Variants in VSIG10L2 observed in about 807,000 individuals in gnomAD.
The protein encoded by VSIG10L2 is V-set and immunoglobulin domain containing 10 like 2.
Under a neutral mutation model 67.1 loss-of-function variants are expected in VSIG10L2, and 56 were observed. The observed-to-expected ratio is 0.83, with a 90% confidence interval of 0.67 to 1.04. The LOEUF (loss-of-function observed/expected upper bound fraction) is 1.04. VSIG10L2 is among the 50% of genes least tolerant of loss of function. The probability of loss-of-function intolerance (pLI) is 0.00; values close to 1 mark genes in which losing one functional copy is unlikely to be tolerated. For missense variants in VSIG10L2, 843 were observed against 932.8 expected (o/e 0.90, Z 1.25); for synonymous variants, 360 against 396.6 (o/e 0.91, Z 1.10).
rs1565479435 is a variant in VSIG10L2, at chr11:125,956,060, A to G, written c.*146A>G. 1.4e-6 allele frequency: 1 copy of G among 690,236 alleles called. No individual in the cohort carries two copies. The highest frequency in any genetic ancestry group is 2.6e-6 in the Non-Finnish European group (1 of 378,796). 42.8% of individuals were successfully genotyped at this position (690,236 alleles called of 1,614,324 possible). ...AATACCCAGTCTTCACAACTGGTAC[A>G]AGGCCCAGCTGCAGTGTCCCTAAGT... On this transcript the variant is annotated 3_prime_UTR_variant, in exon 12 of 12. Transcript: ENST00000686984.
chr11:125,948,020 C>CA lies in VSIG10L2; in HGVS notation c.418dup (p.Thr140AsnfsTer17). 5.7e-6 allele frequency: 7 copies of CA among 1,232,414 alleles called. No homozygotes were observed. Among genetic ancestry groups the CA allele is most frequent in the Non-Finnish European group, 7.1e-6 (7 of 988,168 alleles). The allele number at this position is 1,232,414 out of a possible 1,614,324, so 76.3% of individuals were successfully genotyped here. A position where few individuals can be genotyped will look rare whatever the true frequency, so the allele number is the denominator to read the frequency against. On this transcript the variant is annotated frameshift_variant, in exon 2 of 12. Coordinates refer to ENST00000686984, the MANE Select transcript of VSIG10L2 (RefSeq NM_001365077.2). LOFTEE classifies it high-confidence loss of function. ...AGCTCCACGCTGCCTACTCCCACCT[C>CA]ACGCTGGCTGTGCTGGGTGAGGGCC... is the stretch of plus-strand genomic sequence containing the variant.
chr11:125,947,910 A>C lies in VSIG10L2; in HGVS notation c.307A>C (p.Arg103=). Residue 103 remains arginine (R), a synonymous_variant, in exon 2 of 12, where the codon AGG becomes CGG. Coordinates refer to ENST00000686984, the MANE Select transcript of VSIG10L2 (RefSeq NM_001365077.2). ...IASALGVVSL[R]NSSLVLGELH... Reference sequence around the variant, plus strand: ...CTCGGCTCTGGGAGTCGTGAGTCTGAGGAACAGCAGCCTGGTGCTGGGGGA... The same window carrying C: ...CTCGGCTCTGGGAGTCGTGAGTCTGCGGAACAGCAGCCTGGTGCTGGGGGA... 8.1e-7 allele frequency: 1 copy of C among 1,232,288 alleles called. No individual in the cohort carries two copies. The highest frequency in any genetic ancestry group is 1.0e-6 in the Non-Finnish European group (1 of 988,076). 76.3% of individuals were successfully genotyped at this position (1,232,288 alleles called of 1,614,324 possible). A position where few individuals can be genotyped will look rare whatever the true frequency, so the allele number is the denominator to read the frequency against.
At chr11:125,953,711 G>A (rs1051871597) in intron 7 of VSIG10L2, 21 bp downstream of exon 7, 46 of 1,232,028 alleles carry the variant, frequency 3.7e-5, no homozygotes, top group East Asian at 6.3e-5. Context: ...GGTTGAATGC[G>A]TGTGTGTGGT....
At position 125,952,010 on chromosome 11, in the gene VSIG10L2, G is replaced by T. The variant is rs1440886083; in HGVS notation, c.1432G>T (p.Glu478Ter). Residue 478 changes from glutamate (E) to a stop codon, truncating the protein, a stop_gained, in exon 6 of 12, where the codon GAG (glutamate) becomes TAG (stop). Transcript: ENST00000686984. LOFTEE classifies it high-confidence loss of function. The part of the protein sequence containing the change: ...LQAQEDLAGR[E>*]FTCRGTHLLR... ...GGCCCAAGAAGATCTGGCTGGCAGA[G>T]AGTTCACCTGCCGGGGCACTCACCT... is the stretch of plus-strand genomic sequence containing the variant. 1 of 1,536,138 alleles carries T rather than the reference G, an allele frequency of 6.5e-7. No homozygotes were observed. Among genetic ancestry groups the T allele is most frequent in the East Asian group, 2.4e-5 (1 of 40,920 alleles).
At chr11:125,952,903 A>G (rs1945396592) in intron 6 of VSIG10L2, among the ~76,000 whole-genome samples, 1 of 152,362 alleles carries the variant, frequency 6.6e-6, no homozygotes, top group East Asian at 1.9e-4. Flanking sequence ...CTCAACCCCA[A>G]ATATTTCCTT....
chr11:125,947,379 T>C, intron 1 of VSIG10L2: 1 of 978,928 alleles, frequency 1.0e-6, no homozygotes, highest in Non-Finnish European at 1.2e-6. Context: ...CTTGATAGTC[T>C]GGGGTGACGT....
chr11:125,950,202 C>T lies in VSIG10L2; in HGVS notation c.898C>T (p.Arg300Cys), dbSNP rs1217159429. 6 of 1,232,278 alleles carry T rather than the reference C, an allele frequency of 4.9e-6. No homozygotes were observed. Among genetic ancestry groups the T allele is most frequent in the South Asian group, 4.1e-5 (1 of 24,324 alleles). The allele number at this position is 1,232,278 out of a possible 1,614,324, so 76.3% of individuals were successfully genotyped here. A position where few individuals can be genotyped will look rare whatever the true frequency, so the allele number is the denominator to read the frequency against. ...GPTYVIARAG[R>C]VHTGLYTCLA... ...TACCTATGTCATCGCCAGAGCTGGC[C>T]GTGTCCACACAGGCCTGTACACCTG... Residue 300 changes from arginine to cysteine, a missense_variant, in exon 4 of 12, where the codon CGT becomes TGT. By Grantham distance (180) the Arg-to-Cys change is radical. Around this residue, in one of 2 missense-constraint regions of VSIG10L2, gnomAD observed 446 missense variants for 548.4 expected, o/e 0.81. Transcript: ENST00000686984.
intron 6 of VSIG10L2, among the ~76,000 whole-genome samples, 185 bp from the exon 7 acceptor site, chr11:125,953,215 G>A (rs1019003756): frequency 1.3e-5 from 2 of 152,176 alleles, no homozygotes; most frequent in Non-Finnish European, 2.9e-5. Flanking sequence ...GAGCCCTGGC[G>A]CACACTGTGA....
At chr11:125,947,227 C>G (rs899220717) in intron 1 of VSIG10L2, among the ~76,000 whole-genome samples, 1 of 152,150 alleles carries the variant, frequency 6.6e-6, no homozygotes, top group Non-Finnish European at 1.5e-5. Context: ...CTCCAGACCC[C>G]GAGCCACCAG....
chr11:125,953,503 C>T lies in VSIG10L2; in HGVS notation c.1599C>T (p.Leu533=). The part of the protein sequence containing the change: ...SLRGGTPPAQ[L]LWLGPQQQKV... ...GCGGGGGCACACCACCTGCCCAGCTCCTCTGGCTGGGGCCTCAACAACAAA... is the reference window on the plus strand; with the variant it reads ...GCGGGGGCACACCACCTGCCCAGCTTCTCTGGCTGGGGCCTCAACAACAAA... The change falls in exon 7 of 12, where the codon CTC becomes CTT. Residue 533 remains leucine (L), a synonymous_variant. Coordinates refer to ENST00000686984, the MANE Select transcript of VSIG10L2 (RefSeq NM_001365077.2). 9 of 1,232,302 alleles carry T rather than the reference C, an allele frequency of 7.3e-6. No homozygotes were observed. The highest frequency in any genetic ancestry group is 9.1e-6 in the Non-Finnish European group (9 of 988,114). 76.3% of individuals were successfully genotyped at this position (1,232,302 alleles called of 1,614,324 possible). A position where few individuals can be genotyped will look rare whatever the true frequency, so the allele number is the denominator to read the frequency against.
chr11:125,950,909 G>A lies in VSIG10L2; in HGVS notation c.986-1G>A. The A allele has an allele frequency of 8.1e-7, 1 of 1,232,578 alleles. No homozygotes were observed. Among genetic ancestry groups the A allele is most frequent in the Middle Eastern group, 3.1e-4 (1 of 3,212 alleles). The allele number at this position is 1,232,578 out of a possible 1,614,324, so 76.4% of individuals were successfully genotyped here. A position where few individuals can be genotyped will look rare whatever the true frequency, so the allele number is the denominator to read the frequency against. On this transcript the variant is annotated splice_acceptor_variant, in intron 4 of 11. Coordinates refer to ENST00000686984, the MANE Select transcript of VSIG10L2 (RefSeq NM_001365077.2). LOFTEE classifies it high-confidence loss of function. ...CCAGCCTCACCCACTTCCCCATCCA[G>A]ATCCCCCTGAGGGACAGCCCTCCTG...
At chr11:125,952,319 T>C (rs1945388955) in intron 6 of VSIG10L2, among the ~76,000 whole-genome samples, 1 of 152,206 alleles carries the variant, frequency 6.6e-6, no homozygotes, top group African/African-American at 2.4e-5. Flanking sequence ...ATATATGTGA[T>C]TTAAAATATT....
Position 125,955,119 on chromosome 11 carries a change from G to C in VSIG10L2, c.2146G>C (p.Ala716Pro). The C allele has an allele frequency of 8.1e-7, 1 of 1,239,740 alleles. No individual in the cohort carries two copies. The highest frequency in any genetic ancestry group is 3.1e-5 in the East Asian group (1 of 31,898). The allele number at this position is 1,239,740 out of a possible 1,614,324, so 76.8% of individuals were successfully genotyped here. A position where few individuals can be genotyped will look rare whatever the true frequency, so the allele number is the denominator to read the frequency against. Residue 716 changes from alanine to proline, a missense_variant, in exon 9 of 12, where the codon GCA becomes CCA. Around this residue, in one of 2 missense-constraint regions of VSIG10L2, gnomAD observed 397 missense variants for 384.4 expected, o/e 1.03. Transcript: ENST00000686984. ...TGCAGCAGGCACGGGAATGGTGGTAGCAACGGTGGCCTCTCTACTGGTGTT... is the reference window on the plus strand; with the variant it reads ...TGCAGCAGGCACGGGAATGGTGGTACCAACGGTGGCCTCTCTACTGGTGTT... ...LGAAGTGMVV[A>P]TVASLLVFQY...
chr11:125,954,791 C>T lies in VSIG10L2; in HGVS notation c.2084-266C>T, dbSNP rs1371546256. On this transcript the variant is annotated intron_variant, in intron 8 of 11. Coordinates refer to ENST00000686984, the MANE Select transcript of VSIG10L2 (RefSeq NM_001365077.2). ...GGCATGCTCCCCTTCAGCCCCAAGC[C>T]GCCAAGATAACCAACCTTTTGTCTT... 5.3e-5 allele frequency among the ~76,000 whole-genome samples: 8 copies of T among 152,188 alleles called. No homozygotes were observed. In the East Asian group the frequency reaches 5.8e-4, roughly 11 times the overall value.
In VSIG10L2 at chr11:125,950,065, A is replaced by G; in HGVS notation, c.761A>G (p.Glu254Gly). Residue 254 changes from glutamate to glycine, a missense_variant, in exon 4 of 12, where the codon GAG becomes GGG. Physicochemically the swap from Glu to Gly is moderately conservative, Grantham distance 98. Around this residue, in one of 2 missense-constraint regions of VSIG10L2, gnomAD observed 446 missense variants for 548.4 expected, o/e 0.81. Transcript: ENST00000686984. ...ATGGAGCCGCTGGGACTCACTGAGG[A>G]GGGCTTCTGGGCCAGTGAGAGGGAA... ...ITMEPLGLTE[E>G]GFWASEREEV... 8.1e-7 allele frequency: 1 copy of G among 1,232,306 alleles called. No homozygotes were observed. The allele number at this position is 1,232,306 out of a possible 1,614,324, so 76.3% of individuals were successfully genotyped here.
chr11:125,948,456 G>T lies in VSIG10L2; in HGVS notation c.585G>T (p.Val195=), dbSNP rs915949720. Residue 195 remains valine, a synonymous_variant, in exon 3 of 12, where the codon GTG becomes GTT. Transcript: ENST00000686984. The part of the protein sequence containing the change: ...RAPRGLGEAL[V]GVTEPLFQLD... ...CCCGAGGCCTTGGAGAGGCCCTGGT[G>T]GGGGTCACTGAGCCACTATTCCAGC... 4 of 1,232,294 alleles carry T rather than the reference G, an allele frequency of 3.2e-6. No individual in the cohort carries two copies. The highest frequency in any genetic ancestry group is 4.0e-6 in the Non-Finnish European group (4 of 988,174). 76.3% of individuals were successfully genotyped at this position (1,232,294 alleles called of 1,614,324 possible). A position where few individuals can be genotyped will look rare whatever the true frequency, so the allele number is the denominator to read the frequency against.
At chr11:125,950,760 C>T in intron 4 of VSIG10L2, 150 bp from the exon 5 acceptor site, 1 of 731,210 alleles carries the variant, frequency 1.4e-6, no homozygotes, top group Non-Finnish European at 1.9e-6. Context: ...TCACCAGCCC[C>T]TCAGAGAGAC....
chr11:125,951,695 G>A, intron 5 of VSIG10L2, 118 bp from the exon 6 acceptor site: 1 of 1,050,570 alleles, frequency 9.5e-7, no homozygotes, highest in Non-Finnish European at 1.3e-6. Flanking sequence ...GAATGAGTGA[G>A]TGACAAAGTA....
intron 1 of VSIG10L2, chr11:125,947,298 G>C (rs1945311516): frequency 2.7e-6 from 1 of 375,058 alleles, no homozygotes; most frequent in South Asian, 1.1e-4. Flanking sequence ...TCATCAGACT[G>C]ATCTTGGGGC....
Sources: gnomAD v4.1 joint callset for allele counts (sites outside exome capture counted in the v4.1 genomes callset) on GRCh38, gnomAD v4.1.1 for gene constraint, gnomAD v4.1.1 regional missense constraint, MANE v1.5 for transcripts, NCBI Gene and HGNC (gene_info 2026-07-23, HGNC 2026-07-21) for gene names.